The following AKR7A3 variants were observed in gnomAD, a reference collection of about 807,000 sequenced individuals.
AKR7A3 encodes the protein AFB1 aldehyde reductase 2.
AKR7A3 carries 37 observed loss-of-function variants against 32.5 expected under a neutral mutation model. The observed-to-expected ratio is 1.14, with a 90% CI of 0.88 to 1.50. AKR7A3 has a LOEUF of 1.50. Ranked by LOEUF, AKR7A3 falls within the 40% of genes most tolerant of loss-of-function variation. AKR7A3 has a pLI of 0.00. For missense variants in AKR7A3, 412 were observed against 453.2 expected (o/e 0.91, Z 0.83); for synonymous variants, 177 against 188.4 (o/e 0.94, Z 0.50).
chr1:19,280,661 C>T (rs541525117), downstream of AKR7A3, among the ~76,000 whole-genome samples: 14 of 151,790 alleles, frequency 9.2e-5, no homozygotes, highest in South Asian at 2.7e-3. Context: ...AGCTCCACCT[C>T]CTGGGTTCAC....
Position 19,282,649 on chromosome 1 carries a change from C to G in AKR7A3, c.*82G>C, listed in dbSNP as rs538425805. The G allele has an allele frequency of 4.7e-4, 753 of 1,601,324 alleles. 20 individuals carry two copies. The African/African-American group carries it at 8.9e-3, about 19-fold the overall frequency. On this transcript the variant is annotated 3_prime_UTR_variant, in exon 7 of 7. Transcript: ENST00000361640. ...AAATACTTCCATCCCTAAGAATTTA[C>G]TGAGGCAGTTCTAAATTAAAGAAAA...
intron 1 of AKR7A3, 88 bp from the exon 2 acceptor site, chr1:19,286,460 T>C: frequency 7.4e-7 from 1 of 1,352,618 alleles, no homozygotes; most frequent in South Asian, 1.3e-5. Flanking sequence ...GGCAGGCAAA[T>C]CAGAAGGTCA....
chr1:19,275,682 G>A, the AKR7A3 span, among the ~76,000 whole-genome samples: 1 of 151,748 alleles, frequency 6.6e-6, no homozygotes, highest in Non-Finnish European at 1.5e-5. Context: ...GCATGTGCCT[G>A]TGGTCCCAGT....
chr1:19,280,830 A>G (rs565033684), downstream of AKR7A3, among the ~76,000 whole-genome samples: 68 of 151,880 alleles, frequency 4.5e-4, 1 homozygote, highest in Non-Finnish European at 7.9e-4. Context: ...TCGGCCTCCC[A>G]AAGTGCTGGG....
At chr1:19,277,653 T>G (rs992390816), downstream of AKR7A3, among the ~76,000 whole-genome samples, 118 of 151,894 alleles carry the variant, frequency 7.8e-4, 4 homozygotes, top group African/African-American at 2.8e-3. Context: ...CTCGAATAGC[T>G]GGAATTACAG....
chr1:19,286,374 TGA>T lies in AKR7A3; in HGVS notation c.215-4_215-3del, dbSNP rs1558132412. The stretch of plus-strand genomic sequence containing the variant: ...GAATGGCCTTGGTATCAATTTTCAC[TGA>T]GAGGAAAGAGAAATGAAATTCAGGG... On this transcript the variant is annotated splice_polypyrimidine_tract_variant and splice_region_variant and intron_variant, in intron 1 of 6. Coordinates refer to ENST00000361640, the MANE Select transcript of AKR7A3 (RefSeq NM_012067.3). 6.2e-7 allele frequency: 1 copy of T among 1,613,264 alleles called. No individual in the cohort carries two copies. Among genetic ancestry groups the T allele is most frequent in the Non-Finnish European group, 8.5e-7 (1 of 1,179,622 alleles).
chr1:19,284,799 G>A lies in AKR7A3; in HGVS notation c.605-14C>T. The A allele has an allele frequency of 1.2e-6, 2 of 1,613,302 alleles. No homozygotes were observed. Among genetic ancestry groups the A allele is most frequent in the Non-Finnish European group, 1.7e-6 (2 of 1,179,496 alleles). ...TCAGCAGGCCCCCTGAGGGAAAGCA[G>A]CAATCAGCCCCGGGGCCTAGAGTGC... On this transcript the variant is annotated splice_polypyrimidine_tract_variant and intron_variant, in intron 4 of 6. Coordinates refer to ENST00000361640, the MANE Select transcript of AKR7A3 (RefSeq NM_012067.3).
the AKR7A3 span, among the ~76,000 whole-genome samples, chr1:19,274,475 C>T: frequency 6.6e-6 from 1 of 151,820 alleles, no homozygotes; most frequent in Non-Finnish European, 1.5e-5. Context: ...CTGTCTCCTC[C>T]AGGAGGGAGC....
intron 1 of AKR7A3, 67 bp from the exon 2 acceptor site, chr1:19,286,439 TG>T (rs773407552): frequency 3.3e-5 from 50 of 1,514,822 alleles, no homozygotes; most frequent in East Asian, 2.7e-4. Flanking sequence ...CCCAGCACTT[TG>T]GGAGACTGAG....
chr1:19,276,347 C>A, the AKR7A3 span, among the ~76,000 whole-genome samples: 3 of 98,184 alleles, frequency 3.1e-5, no homozygotes, highest in Admixed American at 1.5e-4. Context: ...GGTGACAGAG[C>A]AAGACTCCAT....
rs1214279424 is a variant in AKR7A3 at position 19,288,553 on chromosome 1, G to A, written c.157C>T (p.Gln53Ter). The change falls in exon 1 of 7, where the codon CAG becomes TAG. Residue 53 changes from glutamine to a stop codon, truncating the protein, a stop_gained. Transcript: ENST00000361640. LOFTEE classifies it high-confidence loss of function. ...IDTAFVYSEG[Q>*]SETILGGLGL... ...AGGCCGCCAAGGATGGTCTCGGACT[G>A]GCCCTCGCTGTACACGAAGGCCGTG... 1.2e-6 allele frequency: 2 copies of A among 1,610,614 alleles called. No homozygotes were observed. Among genetic ancestry groups the A allele is most frequent in the Admixed American group, 3.3e-5 (2 of 59,848 alleles).
At chr1:19,276,069 A>C in the AKR7A3 span, among the ~76,000 whole-genome samples, 2 of 151,920 alleles carry the variant, frequency 1.3e-5, no homozygotes, top group African/African-American at 4.9e-5. Flanking sequence ...AAAGGTATAG[A>C]AGACTTGAAC....
the AKR7A3 span, among the ~76,000 whole-genome samples, chr1:19,274,899 C>CAAAAAAAAAAAA: frequency 1.3e-3 from 59 of 44,276 alleles, 6 homozygotes; most frequent in South Asian, 4.3e-3. Flanking sequence ...TCTCTAAATA[C>CAAAAAAAAAAAA]AAAAAAAAAA....
intron 2 of AKR7A3, 34 bp from the exon 3 acceptor site, chr1:19,286,026 C>T: frequency 2.5e-6 from 4 of 1,612,126 alleles, no homozygotes; most frequent in Non-Finnish European, 3.4e-6. Context: ...GAACATAGTG[C>T]AGCCCAGACC....
At chr1:19,287,653 C>T (rs1245408496) in intron 1 of AKR7A3, among the ~76,000 whole-genome samples, 3 of 152,036 alleles carry the variant, frequency 2.0e-5, no homozygotes, top group Non-Finnish European at 4.4e-5. Context: ...GCACCCGCGG[C>T]ATTGCCAAAA....
the AKR7A3 span, among the ~76,000 whole-genome samples, chr1:19,275,347 G>C: frequency 6.6e-6 from 1 of 151,620 alleles, no homozygotes; most frequent in Non-Finnish European, 1.5e-5. Flanking sequence ...GGAGGCGGAG[G>C]TTGCAGTGAG....
In AKR7A3 at chr1:19,284,019, T is replaced by G. The variant is rs1482065725; in HGVS notation, c.811A>C (p.Met271Leu). The change falls in exon 6 of 7, where the codon ATG becomes CTG. Residue 271 changes from methionine (M) to leucine (L), a missense_variant. Transcript: ENST00000361640. ...PSMTSATLRW[M>L]YHHSQLQGAH... ...ACCTGCAGCTGTGAGTGGTGGTACA[T>G]CCACCGGAGGGTGGCCGAGGTCATG... 2 of 1,613,314 alleles carry G rather than the reference T, an allele frequency of 1.2e-6. No homozygotes were observed. Among genetic ancestry groups the G allele is most frequent in the African/African-American group, 2.7e-5 (2 of 74,768 alleles).
chr1:19,285,195 T>A, intron 3 of AKR7A3, 81 bp from the exon 4 acceptor site: 1 of 1,329,158 alleles, frequency 7.5e-7, no homozygotes, highest in Non-Finnish European at 1.1e-6. Context: ...GAACCCTTAT[T>A]TCAGACCTTA....
In AKR7A3 at chr1:19,284,032, G is replaced by A. The variant is rs752560085; in HGVS notation, c.798C>T (p.Ala266=). 1 of 1,613,618 alleles carries A rather than the reference G, an allele frequency of 6.2e-7. No homozygotes were observed. The highest frequency in any genetic ancestry group is 1.1e-5 in the South Asian group (1 of 91,054). ...AGTGGTGGTACATCCACCGGAGGGT[G>A]GCCGAGGTCATGCTGGGGGCGCTGG... is the stretch of plus-strand genomic sequence containing the variant. The part of the protein sequence containing the change: ...YGASAPSMTS[A]TLRWMYHHSQ... Residue 266 remains alanine, a synonymous_variant, in exon 6 of 7, where the codon GCC becomes GCT. Transcript: ENST00000361640.
Sources: gnomAD v4.1 joint callset for allele counts (sites outside exome capture counted in the v4.1 genomes callset) on GRCh38, gnomAD v4.1.1 for gene constraint, MANE v1.5 for transcripts, NCBI Gene and HGNC (gene_info 2026-07-23, HGNC 2026-07-21) for gene names.